The following CTNNA1 variants were observed in gnomAD, a reference collection of about 807,000 sequenced individuals.
CTNNA1 encodes the protein catenin alpha 1, also known as catenin alpha-1.
A neutral mutation model predicts 98.4 loss-of-function variants in CTNNA1; 37 were observed. The observed-to-expected ratio is 0.38, with a 90% CI of 0.29 to 0.49. CTNNA1 has a LOEUF of 0.49. CTNNA1 is among the 20% of genes least tolerant of loss of function. The pLI, the probability that CTNNA1 is intolerant of heterozygous loss-of-function variation, is 0.95. For synonymous variants in CTNNA1, 404 were observed against 413.2 expected, an observed-to-expected ratio of 0.98 and a Z score of 0.27; for missense variants, 761 against 1,147.2, an observed-to-expected ratio of 0.66 and a Z score of 4.86.
intron 1 of CTNNA1, among the ~76,000 whole-genome samples, chr5:138,756,123 G>T (rs1751619795): frequency 6.6e-6 from 1 of 151,652 alleles, no homozygotes; most frequent in African/African-American, 2.4e-5. Context: ...ACTGCAACCC[G>T]TGCCTCCTGG....
intron 3 of CTNNA1, among the ~76,000 whole-genome samples, chr5:138,795,190 G>A (rs1326186603): frequency 6.7e-6 from 1 of 149,924 alleles, no homozygotes; most frequent in African/African-American, 2.5e-5. Context: ...GGCCAGTCAT[G>A]GTGGCTCATG....
intron 3 of CTNNA1, among the ~76,000 whole-genome samples, chr5:138,789,227 A>C (rs1428329209): frequency 6.6e-6 from 1 of 152,030 alleles, no homozygotes; most frequent in Non-Finnish European, 1.5e-5. Flanking sequence ...TGAATACGAA[A>C]AATAATTAAT....
intron 9 of CTNNA1, among the ~76,000 whole-genome samples, chr5:138,894,885 C>T (rs1756415698): frequency 1.3e-5 from 2 of 152,134 alleles, no homozygotes; most frequent in African/African-American, 2.4e-5. Context: ...CTAAACATGT[C>T]ACCACCTGTG....
intron 3 of CTNNA1, among the ~76,000 whole-genome samples, chr5:138,794,857 A>G (rs1756761862): frequency 6.6e-6 from 1 of 152,304 alleles, no homozygotes; most frequent in South Asian, 2.1e-4. Flanking sequence ...AAGTTGGTGG[A>G]ATAACAGATG....
intron 11 of CTNNA1, among the ~76,000 whole-genome samples, chr5:138,922,578 G>T (rs1763140992): frequency 6.6e-6 from 1 of 152,234 alleles, no homozygotes; most frequent in African/African-American, 2.4e-5. Context: ...TTGTTCATGG[G>T]TACAGATTGT....
intron 7 of CTNNA1, among the ~76,000 whole-genome samples, chr5:138,852,235 T>C (rs1336330858): frequency 6.6e-6 from 1 of 152,212 alleles, no homozygotes; most frequent in Non-Finnish European, 1.5e-5. Context: ...ACTTTTAACA[T>C]TGCCTCAGTG....
chr5:138,920,273 C>A (rs965580050), intron 11 of CTNNA1, among the ~76,000 whole-genome samples: 35 of 152,278 alleles, frequency 2.3e-4, no homozygotes, highest in African/African-American at 7.7e-4. Context: ...AGCCACCGTG[C>A]CCGGTCTAGG....
At chr5:138,789,714 C>T in intron 3 of CTNNA1, among the ~76,000 whole-genome samples, 1 of 152,144 alleles carries the variant, frequency 6.6e-6, no homozygotes, top group African/African-American at 2.4e-5. Context: ...CCTCGGCCTC[C>T]TAAAGTGTTA....
chr5:138,782,553 GAA>G (rs1057496028), intron 2 of CTNNA1: 1 of 236,178 alleles, frequency 4.2e-6, no homozygotes, highest in Non-Finnish European at 8.6e-6. Flanking sequence ...GAGAGAGAGA[GAA>G]AATGAGTCTT....
intron 7 of CTNNA1, among the ~76,000 whole-genome samples, chr5:138,837,479 T>TCCTCCCCCTCCTGCTCCTTCCC (rs1761892236): frequency 1.0e-5 from 1 of 96,878 alleles, no homozygotes; most frequent in Non-Finnish European, 2.0e-5. Flanking sequence ...CTCCTCTTGA[T>TCCTCCCCCTCCTGCTCCTTCCC]CCTCCCCCTC....
At chr5:138,918,300 GTTAT>G (rs1762222001) in intron 11 of CTNNA1, among the ~76,000 whole-genome samples, 1 of 152,148 alleles carries the variant, frequency 6.6e-6, no homozygotes, top group African/African-American at 2.4e-5. Context: ...GGAGACTGTG[GTTAT>G]TTGTTATCAG....
chr5:138,897,309 GC>G (rs1287550467), intron 9 of CTNNA1, among the ~76,000 whole-genome samples: 1,575 of 31,700 alleles, frequency 0.05, 92 homozygotes, highest in African/African-American at 0.17. Context: ...CCCCCCCCCC[GC>G]CCCCGCCCAG....
chr5:138,825,074 T>G (rs1760507582), intron 6 of CTNNA1, among the ~76,000 whole-genome samples: 1 of 152,200 alleles, frequency 6.6e-6, no homozygotes, highest in Non-Finnish European at 1.5e-5. Flanking sequence ...GGATATGGGT[T>G]TGGTTCATTT....
rs531035099 is a variant in CTNNA1 at position 138,831,951 on chromosome 5, C to T, written c.1062+4233C>T. Among the ~76,000 whole-genome samples, 8 of 152,242 alleles carry T rather than the reference C, an allele frequency of 5.3e-5. 1 individual carries two copies. The East Asian group carries it at 1.5e-3, about 29-fold the overall frequency. ...GTGGAAAAAACCAAAGACCTTTACC[C>T]TTATGGGCCTTACATTCTACAGTGG... On this transcript the variant is annotated intron_variant, in intron 7 of 17. Coordinates refer to ENST00000302763, the MANE Select transcript of CTNNA1 (RefSeq NM_001903.5).
At chr5:138,758,919 T>C (rs541970545) in intron 1 of CTNNA1, among the ~76,000 whole-genome samples, 1 of 152,238 alleles carries the variant, frequency 6.6e-6, no homozygotes, top group South Asian at 2.1e-4. Context: ...TTCTCCTGCC[T>C]CAGCCTCTTG....
intron 7 of CTNNA1, among the ~76,000 whole-genome samples, chr5:138,844,049 A>G (rs7710288): frequency 0.68 from 103,043 of 151,986 alleles, 35,201 homozygotes; most frequent in East Asian, 0.93. Context: ...CCCTTCCCCA[A>G]GTAATTTAAT....
At chr5:138,824,098 T>C (rs1392806019) in intron 5 of CTNNA1, among the ~76,000 whole-genome samples, 2 of 152,102 alleles carry the variant, frequency 1.3e-5, no homozygotes, top group African/African-American at 4.8e-5. Context: ...CTATATAGAG[T>C]TGTAATCAAG....
chr5:138,825,388 TAC>T (rs1491274546), intron 6 of CTNNA1, among the ~76,000 whole-genome samples: 2 of 152,044 alleles, frequency 1.3e-5, no homozygotes, highest in African/African-American at 4.8e-5. Context: ...CTGTCCTGTG[TAC>T]ACAACTCTTA....
chr5:138,896,137 C>G (rs183541706), intron 9 of CTNNA1, among the ~76,000 whole-genome samples: 1 of 152,306 alleles, frequency 6.6e-6, no homozygotes, highest in East Asian at 1.9e-4. Flanking sequence ...CACATATTGA[C>G]TATTGAGGTT....
Sources: gnomAD v4.1 joint callset for allele counts (sites outside exome capture counted in the v4.1 genomes callset) on GRCh38, gnomAD v4.1.1 for gene constraint, MANE v1.5 for transcripts, NCBI Gene and HGNC (gene_info 2026-07-23, HGNC 2026-07-21) for gene names.